The following DRG1 variants were observed in gnomAD, a reference collection of about 807,000 sequenced individuals.
DRG1 encodes developmentally regulated GTP binding protein 1.
In DRG1, 19 loss-of-function variants were observed where a neutral mutation model predicts 38.8. That is an observed-to-expected ratio of 0.49 (90% CI 0.34 to 0.72). The LOEUF (loss-of-function observed/expected upper bound fraction) is 0.72, where lower values mean the gene tolerates loss of function less well. Ranked by LOEUF, DRG1 falls within the 30% of genes least tolerant of loss-of-function variation. The pLI is 0.01. For missense variants in DRG1, 299 were observed against 444.8 expected, an observed-to-expected ratio of 0.67 and a Z score of 2.95; for synonymous variants, 167 against 157.5, an observed-to-expected ratio of 1.06 and a Z score of -0.45.
chr22:31,413,530 T>G lies in DRG1; in HGVS notation c.412+2449T>G, dbSNP rs563339811. Among the ~76,000 whole-genome samples, 6 of 151,426 alleles carry G rather than the reference T, an allele frequency of 4.0e-5. No homozygotes were observed. The South Asian group carries it at 1.2e-3, about 31-fold the overall frequency. On this transcript the variant is annotated intron_variant, in intron 4 of 8. Transcript: ENST00000331457. Reference sequence around the variant, plus strand: ...TAATTTCTAAGACTTTGTTTCTGTCTTCTGATTTTTCCTTTTTTTAGCATC... The same window carrying G: ...TAATTTCTAAGACTTTGTTTCTGTCGTCTGATTTTTCCTTTTTTTAGCATC...
rs2049948598 is a variant in DRG1, at chr22:31,399,609, C to T, written c.-75C>T. ...GTACCGCGCCTGCGTGCTGCAGTAG[C>T]GCCTGGTGGCGGTGGCAGTTTGCCC... On this transcript the variant is annotated 5_prime_UTR_variant, in exon 1 of 9. Transcript: ENST00000331457. 1 of 1,600,058 alleles carries T rather than the reference C, an allele frequency of 6.2e-7. No individual in the cohort carries two copies. The highest frequency in any genetic ancestry group is 8.6e-7 in the Non-Finnish European group (1 of 1,167,272).
At chr22:31,403,809 T>C (rs2049975718) in intron 3 of DRG1, among the ~76,000 whole-genome samples, 1 of 151,978 alleles carries the variant, frequency 6.6e-6, no homozygotes, top group African/African-American at 2.4e-5. Flanking sequence ...TGACCCTTTT[T>C]CCAGCTGGTC....
chr22:31,419,127 T>C (rs1879404889), intron 4 of DRG1, among the ~76,000 whole-genome samples: 1 of 151,950 alleles, frequency 6.6e-6, no homozygotes. Flanking sequence ...AAGCAGGATT[T>C]TTGACAAATG....
intron 3 of DRG1, among the ~76,000 whole-genome samples, chr22:31,409,852 G>T (rs1163898659): frequency 6.6e-6 from 1 of 150,462 alleles, no homozygotes; most frequent in Non-Finnish European, 1.5e-5. Context: ...AAATTAGTCA[G>T]ATATGGTGGC....
At chr22:31,418,662 C>T (rs1397242745) in intron 4 of DRG1, among the ~76,000 whole-genome samples, 2 of 151,796 alleles carry the variant, frequency 1.3e-5, no homozygotes, top group African/African-American at 2.4e-5. Flanking sequence ...TGTCCACTAC[C>T]ATGGCCAGCT....
chr22:31,433,845 T>G, intron 8 of DRG1, 27 bp from the exon 9 acceptor site: 1 of 1,606,052 alleles, frequency 6.2e-7, no homozygotes, highest in Non-Finnish European at 8.5e-7. Context: ...TTATTTACAC[T>G]GACTGTTCTT....
At chr22:31,409,421 A>G (rs1008883732) in intron 3 of DRG1, among the ~76,000 whole-genome samples, 2 of 152,118 alleles carry the variant, frequency 1.3e-5, no homozygotes, top group African/African-American at 4.8e-5. Flanking sequence ...GACATACATC[A>G]GAGTCACTTG....
chr22:31,403,363 C>T (rs576242831), intron 3 of DRG1, among the ~76,000 whole-genome samples, 159 bp downstream of exon 3: 3 of 152,168 alleles, frequency 2.0e-5, no homozygotes, highest in South Asian at 4.1e-4. Context: ...AATGGGATAG[C>T]GCATGTGAAA....
At position 31,400,596 on chromosome 22, in the gene DRG1, A is replaced by G. The variant is rs761294972; in HGVS notation, c.43-24A>G. 2.5e-6 allele frequency: 4 copies of G among 1,607,638 alleles called. No individual in the cohort carries two copies. In the African/African-American group the frequency reaches 5.3e-5, roughly 21 times the overall value. On this transcript the variant is annotated intron_variant, in intron 1 of 8. Transcript: ENST00000331457. The stretch of plus-strand genomic sequence containing the variant: ...GGGAAGCGTTCACTGCTTCTAATTT[A>G]TGGCTGTGATTCCTCCCTTTTAGAT...
At chr22:31,415,884 G>C (rs1193952294) in intron 4 of DRG1, among the ~76,000 whole-genome samples, 1 of 151,652 alleles carries the variant, frequency 6.6e-6, no homozygotes, top group African/African-American at 2.4e-5. Context: ...TTGATTCGTA[G>C]TGACTGCAAA....
At chr22:31,405,935 G>A (rs1418458074) in intron 3 of DRG1, among the ~76,000 whole-genome samples, 10 of 151,924 alleles carry the variant, frequency 6.6e-5, no homozygotes, top group Non-Finnish European at 4.4e-5. Flanking sequence ...TGATCCACCC[G>A]CCTCGGCCTC....
chr22:31,430,595 C>T (rs929604389), intron 8 of DRG1, among the ~76,000 whole-genome samples: 5 of 151,842 alleles, frequency 3.3e-5, no homozygotes, highest in Non-Finnish European at 7.4e-5. Context: ...GAGATGGGGT[C>T]TCACCGTGTT....
chr22:31,431,015 G>C, intron 8 of DRG1, among the ~76,000 whole-genome samples: 1 of 119,246 alleles, frequency 8.4e-6, no homozygotes, highest in South Asian at 2.8e-4. Context: ...ACTGCACCCG[G>C]CCTTCCCCCC....
intron 8 of DRG1, among the ~76,000 whole-genome samples, chr22:31,431,714 G>A (rs2050140313): frequency 6.6e-6 from 1 of 152,166 alleles, no homozygotes; most frequent in African/African-American, 2.4e-5. Flanking sequence ...GATCCTAAGA[G>A]TACTGAGAGA....
intron 8 of DRG1, among the ~76,000 whole-genome samples, chr22:31,430,861 G>T (rs1056603535): frequency 1.3e-5 from 2 of 151,960 alleles, no homozygotes; most frequent in Admixed American, 1.3e-4. Context: ...GAGACCATAA[G>T]TGTATGCCAC....
chr22:31,424,488 C>CTTTTTTTTTT (rs398036881), intron 6 of DRG1, among the ~76,000 whole-genome samples: 34 of 71,398 alleles, frequency 4.8e-4, no homozygotes, highest in East Asian at 9.9e-4. Flanking sequence ...GCTTTGGTTT[C>CTTTTTTTTTT]TTTTTTTTTT....
At chr22:31,430,821 C>G (rs1406869393) in intron 8 of DRG1, among the ~76,000 whole-genome samples, 1 of 152,008 alleles carries the variant, frequency 6.6e-6, no homozygotes, top group Non-Finnish European at 1.5e-5. Flanking sequence ...CAGGCTCAAG[C>G]GATCCTCCTA....
intron 3 of DRG1, among the ~76,000 whole-genome samples, chr22:31,409,550 A>C (rs1338010537): frequency 6.6e-6 from 1 of 152,186 alleles, no homozygotes; most frequent in East Asian, 1.9e-4. Context: ...GTGCCTGCTT[A>C]AGAACGGCTA....
At chr22:31,404,542 G>A (rs1179855159) in intron 3 of DRG1, among the ~76,000 whole-genome samples, 2 of 151,200 alleles carry the variant, frequency 1.3e-5, no homozygotes, top group African/African-American at 4.9e-5. Flanking sequence ...GCCTGGTCTC[G>A]CCTGCTTTAA....
Sources: gnomAD v4.1 joint callset for allele counts (sites outside exome capture counted in the v4.1 genomes callset) on GRCh38, gnomAD v4.1.1 for gene constraint, MANE v1.5 for transcripts, NCBI Gene and HGNC (gene_info 2026-07-23, HGNC 2026-07-21) for gene names.